The following VPS8 variants were observed in gnomAD, a reference collection of about 807,000 sequenced individuals.
VPS8 encodes vacuolar protein sorting-associated protein 8 homolog.
Under a neutral mutation model 216.4 loss-of-function variants are expected in VPS8, and 129 were observed. The ratio of observed to expected loss-of-function variants is 0.60; its 90% confidence interval spans 0.52 to 0.69. The LOEUF is 0.69. Among genes scored for constraint, VPS8 ranks in the 30% least tolerant of loss-of-function variants. VPS8 has a pLI of 0.00. For synonymous variants in VPS8, 571 were observed against 565.4 expected (o/e 1.01, Z -0.14); for missense variants, 1,531 against 1,683.5 (o/e 0.91, Z 1.59).
rs1237030626 is a variant in VPS8 at position 184,855,711 on chromosome 3, A to G, written c.1036A>G (p.Met346Val). 2 of 1,610,278 alleles carry G rather than the reference A, an allele frequency of 1.2e-6. No individual in the cohort carries two copies. The highest frequency in any genetic ancestry group is 1.7e-4 in the Middle Eastern group (1 of 6,054). Reference sequence around the variant, plus strand: ...TTTTTTTTTCCATCTCCCTACTTAGATGGATCCTTCCAGTGTGCCACTGCT... The same window carrying G: ...TTTTTTTTTCCATCTCCCTACTTAGGTGGATCCTTCCAGTGTGCCACTGCT... Reference protein sequence around the residue: ...KVWMTFPYGRMDPSSVPLLAW... With the variant: ...KVWMTFPYGRVDPSSVPLLAW... The change falls in exon 14 of 48, where the codon ATG (methionine) becomes GTG (valine). Residue 346 changes from methionine to valine, a missense_variant and splice_region_variant. Transcript: ENST00000625842.
At chr3:185,017,260 C>G (rs983512840) in intron 45 of VPS8, among the ~76,000 whole-genome samples, 1 of 152,028 alleles carries the variant, frequency 6.6e-6, no homozygotes, top group Non-Finnish European at 1.5e-5. Flanking sequence ...TTAAATTGAG[C>G]AGGTTGAATT....
chr3:184,959,291 A>T (rs1191315599), intron 37 of VPS8, among the ~76,000 whole-genome samples: 5 of 152,146 alleles, frequency 3.3e-5, no homozygotes, highest in Non-Finnish European at 7.4e-5. Context: ...GTCTGGTTAT[A>T]TCTAAAAATA....
chr3:185,042,102 T>C (rs749867210), intron 46 of VPS8, among the ~76,000 whole-genome samples: 6 of 152,200 alleles, frequency 3.9e-5, no homozygotes, highest in Non-Finnish European at 8.8e-5. Flanking sequence ...CATCCTAATA[T>C]TGAAATTTTG....
At chr3:185,024,186 T>G (rs1757037841) in intron 45 of VPS8, 150 bp from the exon 46 acceptor site, 1 of 714,730 alleles carries the variant, frequency 1.4e-6, no homozygotes, top group Non-Finnish European at 2.2e-6. Flanking sequence ...CAAGGGGACT[T>G]AACACAAAAT....
At chr3:184,834,564 C>A in intron 4 of VPS8, 85 bp from the exon 5 acceptor site, 1 of 994,678 alleles carries the variant, frequency 1.0e-6, no homozygotes, top group Non-Finnish European at 1.4e-6. Context: ...GCTTTTTGTG[C>A]GTGTGTGTTT....
Position 185,019,781 on chromosome 3 carries a change from G to T in VPS8, c.4003-4555G>T, listed in dbSNP as rs184731891. Among the ~76,000 whole-genome samples, 203 of 152,302 alleles carry T rather than the reference G, an allele frequency of 1.3e-3. 1 individual carries two copies. Among genetic ancestry groups the T allele is most frequent in the African/African-American group, 4.7e-3 (197 of 41,562 alleles). On this transcript the variant is annotated intron_variant, in intron 45 of 47. Transcript: ENST00000625842. The stretch of plus-strand genomic sequence containing the variant: ...TGGCCAATTTTGGGGCCAGTTTGTG[G>T]CCAGATTTGGGTACCTGTTCCCAAC...
chr3:184,841,768 C>T (rs1231044999), intron 7 of VPS8, among the ~76,000 whole-genome samples: 2 of 152,024 alleles, frequency 1.3e-5, no homozygotes, highest in African/African-American at 4.8e-5. Flanking sequence ...AGTTCAGTCC[C>T]CTTATTTTAC....
intron 45 of VPS8, among the ~76,000 whole-genome samples, chr3:185,019,417 T>C (rs1756319165): frequency 6.6e-6 from 1 of 152,168 alleles, no homozygotes; most frequent in Non-Finnish European, 1.5e-5. Context: ...CCTTCAGAGC[T>C]GAGAGCCTCT....
At chr3:184,923,045 T>G (rs1283574743) in intron 29 of VPS8, among the ~76,000 whole-genome samples, 1 of 152,068 alleles carries the variant, frequency 6.6e-6, no homozygotes, top group East Asian at 1.9e-4. Flanking sequence ...AATTGATGAT[T>G]ACTGGACTAA....
chr3:184,861,308 A>G (rs906185547), intron 15 of VPS8, among the ~76,000 whole-genome samples: 5 of 152,222 alleles, frequency 3.3e-5, no homozygotes, highest in Non-Finnish European at 7.3e-5. Flanking sequence ...GCAACCCTAA[A>G]TATAAGGCAA....
intron 14 of VPS8, 95 bp downstream of exon 14, chr3:184,855,913 A>G: frequency 1.1e-6 from 1 of 943,338 alleles, no homozygotes; most frequent in Non-Finnish European, 1.6e-6. Flanking sequence ...TACTATCCTA[A>G]GTCTTTGGAG....
chr3:184,951,223 C>T (rs549409419), intron 36 of VPS8, among the ~76,000 whole-genome samples: 2 of 152,134 alleles, frequency 1.3e-5, no homozygotes, highest in Admixed American at 6.5e-5. Flanking sequence ...TGGTGACTCA[C>T]ACCTGTAATC....
chr3:184,869,773 C>G (rs573866058), intron 20 of VPS8, among the ~76,000 whole-genome samples: 1 of 152,062 alleles, frequency 6.6e-6, no homozygotes, highest in East Asian at 1.9e-4. Flanking sequence ...ACCTGTAGTC[C>G]TAGCTACTTG....
At chr3:185,001,687 G>A (rs1057415759) in intron 45 of VPS8, among the ~76,000 whole-genome samples, 1 of 152,092 alleles carries the variant, frequency 6.6e-6, no homozygotes, top group Non-Finnish European at 1.5e-5. Context: ...CTCTGCACAG[G>A]TTGGGAGATG....
intron 46 of VPS8, 102 bp downstream of exon 46, chr3:185,024,491 A>G: frequency 7.8e-7 from 1 of 1,281,098 alleles, no homozygotes; most frequent in South Asian, 1.3e-5. Context: ...TAATCATCTT[A>G]ATGCTGTCAA....
intron 37 of VPS8, among the ~76,000 whole-genome samples, chr3:184,959,185 A>G (rs1746090893): frequency 6.6e-6 from 1 of 152,184 alleles, no homozygotes; most frequent in Admixed American, 6.5e-5. Context: ...CTGCCAGGCT[A>G]GGAACCCTGT....
intron 23 of VPS8, among the ~76,000 whole-genome samples, chr3:184,896,704 A>G (rs867852328): frequency 6.6e-6 from 1 of 152,240 alleles, no homozygotes; most frequent in Non-Finnish European, 1.5e-5. Flanking sequence ...CAGTATCCCT[A>G]GTGAACAAGG....
intron 1 of VPS8, among the ~76,000 whole-genome samples, chr3:184,815,567 C>T (rs940411159): frequency 6.6e-6 from 1 of 152,108 alleles, no homozygotes; most frequent in African/African-American, 2.4e-5. Flanking sequence ...AGATTAAGCA[C>T]CCTAGAATAA....
chr3:184,868,371 G>T (rs1250167415), intron 18 of VPS8: 2 of 242,978 alleles, frequency 8.2e-6, no homozygotes, highest in South Asian at 9.9e-5. Context: ...GTGCTGTCCT[G>T]TTCCACCATG....
Sources: allele counts gnomAD v4.1 joint callset (sites outside exome capture counted in the v4.1 genomes callset), GRCh38; gene constraint gnomAD v4.1.1; transcripts MANE v1.5; gene names NCBI Gene and HGNC (gene_info 2026-07-23, HGNC 2026-07-21).